The following CRY2 variants were observed in gnomAD, a reference collection of about 807,000 sequenced individuals.
CRY2 encodes the protein cryptochrome circadian regulator 2.
A neutral mutation model predicts 69.5 loss-of-function variants in CRY2; 31 were observed. The observed-to-expected ratio is 0.45, with a 90% CI of 0.34 to 0.60. The LOEUF (loss-of-function observed/expected upper bound fraction) is 0.60, where lower values mean the gene tolerates loss of function less well. Ranked by LOEUF, CRY2 falls within the 20% of genes least tolerant of loss-of-function variation. CRY2 has a pLI of 0.02. For missense variants in CRY2, 606 were observed against 797.8 expected, an observed-to-expected ratio of 0.76 and a Z score of 2.90; for synonymous variants, 303 against 312.2, an observed-to-expected ratio of 0.97 and a Z score of 0.31.
At chr11:45,871,014 G>A (rs1003597686) in intron 10 of CRY2, 80 bp downstream of exon 10, 1 of 1,238,556 alleles carries the variant, frequency 8.1e-7, no homozygotes, top group Non-Finnish European at 1.1e-6. Context: ...AGGCCAGAAG[G>A]AGGCCTTGCC....
intron 1 of CRY2, among the ~76,000 whole-genome samples, chr11:45,853,646 C>A (rs1164007493): frequency 9.4e-6 from 1 of 106,148 alleles, no homozygotes; most frequent in Non-Finnish European, 2.5e-5. Flanking sequence ...AGATGGAGGA[C>A]CCTGTGTCCT....
chr11:45,861,915 G>C, intron 4 of CRY2, 145 bp from the exon 5 acceptor site: 2 of 689,056 alleles, frequency 2.9e-6, no homozygotes, highest in Non-Finnish European at 4.9e-6. Context: ...CCTAGAAAAC[G>C]CTAAAACTTT....
intron 3 of CRY2, among the ~76,000 whole-genome samples, chr11:45,859,555 C>T (rs1469051031): frequency 6.8e-6 from 1 of 146,094 alleles, no homozygotes; most frequent in Non-Finnish European, 1.5e-5. Flanking sequence ...GAGCAAGATC[C>T]TGTGTCAAAA....
Position 45,860,912 on chromosome 11 carries a change from C to T in CRY2, c.532C>T (p.Arg178Cys), listed in dbSNP as rs1285136076. ...TYKRFQAIIS[R>C]MELPKKPVGL... ...CAAGCGCTTTCAGGCCATCATCAGC[C>T]GCATGGAGCTGCCCAAGAAGCCAGT... Residue 178 changes from arginine (R) to cysteine (C), a missense_variant, in exon 4 of 12, where the codon CGC becomes TGC. Physicochemically the swap from Arg to Cys is radical, Grantham distance 180. This residue lies in a region of CRY2 where 382 missense variants were observed against 508.9 expected (regional missense o/e 0.75). Transcript: ENST00000616080. 6.8e-6 allele frequency: 11 copies of T among 1,614,122 alleles called. No individual in the cohort carries two copies. Among genetic ancestry groups the T allele is most frequent in the Admixed American group, 5.0e-5 (3 of 60,022 alleles).
At chr11:45,871,057 G>T in intron 10 of CRY2, 123 bp downstream of exon 10, 3 of 744,898 alleles carry the variant, frequency 4.0e-6, no homozygotes, top group Non-Finnish European at 6.5e-6. Flanking sequence ...GGGGCAGTCA[G>T]ATAGTAAAGA....
At chr11:45,865,210 A>G (rs1480648440) in intron 5 of CRY2, among the ~76,000 whole-genome samples, 1 of 152,184 alleles carries the variant, frequency 6.6e-6, no homozygotes, top group Middle Eastern at 3.2e-3. Flanking sequence ...AGAAAAATGT[A>G]AACATTTCAG....
At position 45,855,177 on chromosome 11, in the gene CRY2, A is replaced by G. The variant is rs2086229962; in HGVS notation, c.216-805A>G. Among the ~76,000 whole-genome samples the G allele has an allele frequency of 2.7e-5, 4 of 148,614 alleles. No homozygotes were observed. The Admixed American group carries it at 2.7e-4, about 10-fold the overall frequency. On this transcript the variant is annotated intron_variant, in intron 1 of 11. Transcript: ENST00000616080. ...CTTCCCCACCCCCACCCCCACAAAA[A>G]TGTGAAGATAGCTATTGAGAAGTAC...
chr11:45,876,675 G>A (rs112103920), intron 11 of CRY2, among the ~76,000 whole-genome samples: 2 of 152,230 alleles, frequency 1.3e-5, no homozygotes, highest in African/African-American at 4.8e-5. Flanking sequence ...CCTCCCCCGC[G>A]GGCTTTTGTT....
At chr11:45,867,436 G>A (rs1481106529) in intron 5 of CRY2, 176 bp from the exon 6 acceptor site, 16 of 696,106 alleles carry the variant, frequency 2.3e-5, no homozygotes, top group Admixed American at 5.7e-5. Flanking sequence ...ACATAGACTC[G>A]TTGTTTGGTC....
At chr11:45,849,813 G>A (rs1248623581) in intron 1 of CRY2, among the ~76,000 whole-genome samples, 1 of 152,090 alleles carries the variant, frequency 6.6e-6, no homozygotes, top group Admixed American at 6.6e-5. Context: ...AGTAGAGACA[G>A]GGTTTCACCA....
intron 10 of CRY2, 40 bp downstream of exon 10, chr11:45,870,974 C>T (rs2086376638): frequency 1.3e-5 from 20 of 1,534,062 alleles, no homozygotes; most frequent in Non-Finnish European, 1.8e-5. Context: ...CTCCTGTGGC[C>T]TGTGCCACCA....
intron 1 of CRY2, among the ~76,000 whole-genome samples, chr11:45,853,326 C>T (rs1365439898): frequency 6.6e-6 from 1 of 152,070 alleles, no homozygotes; most frequent in East Asian, 1.9e-4. Flanking sequence ...TATTTAGTTG[C>T]TGGGTTCAGA....
chr11:45,870,309 A>G (rs1590770143), intron 8 of CRY2, 21 bp from the exon 9 acceptor site: 3 of 1,614,146 alleles, frequency 1.9e-6, no homozygotes, highest in Admixed American at 1.7e-5. Flanking sequence ...CTGATGGGTC[A>G]TCTGGTGTAT....
chr11:45,847,433 C>CG (rs1590758658), upstream of CRY2: 1 of 1,315,960 alleles, frequency 7.6e-7, no homozygotes, highest in South Asian at 1.2e-5. Flanking sequence ...GGGCTATGGG[C>CG]GGGGTCCACG....
At position 45,870,421 on chromosome 11, in the gene CRY2, A is replaced by G; in HGVS notation, c.1438A>G (p.Ile480Val). 1 of 1,614,238 alleles carries G rather than the reference A, an allele frequency of 6.2e-7. No individual in the cohort carries two copies. The highest frequency in any genetic ancestry group is 8.5e-7 in the Non-Finnish European group (1 of 1,180,046). Residue 480 changes from isoleucine (I) to valine (V), a missense_variant, in exon 9 of 12, where the codon ATC (isoleucine) becomes GTC (valine). Ile to Val is a conservative substitution (Grantham distance 29). Transcript: ENST00000616080. ...GTCAATTCAGAAGGCAGCCAAGTGC[A>G]TCATTGGTGTGGACTACCCACGGCC... Reference protein sequence around the residue: ...PESIQKAAKCIIGVDYPRPIV... With the variant: ...PESIQKAAKCVIGVDYPRPIV...
At chr11:45,867,544 C>T (rs2086340607) in intron 5 of CRY2, 68 bp from the exon 6 acceptor site, 9 of 1,596,438 alleles carry the variant, frequency 5.6e-6, no homozygotes, top group African/African-American at 1.3e-5. Flanking sequence ...CTTAACCACC[C>T]AATGCCTCCA....
Position 45,870,487 on chromosome 11 carries a change from C to T in CRY2, c.1504C>T (p.Arg502Ter). 2 of 1,614,214 alleles carry T rather than the reference C, an allele frequency of 1.2e-6. No individual in the cohort carries two copies. The highest frequency in any genetic ancestry group is 1.1e-5 in the South Asian group (1 of 91,082). The change falls in exon 9 of 12, where the codon CGA (arginine) becomes TGA (stop). Residue 502 changes from arginine (R) to a stop codon, truncating the protein, a stop_gained. Transcript: ENST00000616080. LOFTEE classifies it high-confidence loss of function. ...CGAGACCAGCCGGCTTAACATTGAACGAATGAAGCAGATTTACCAGCAGCT... is the reference window on the plus strand; with the variant it reads ...CGAGACCAGCCGGCTTAACATTGAATGAATGAAGCAGATTTACCAGCAGCT... Reference protein sequence around the residue: ...HAETSRLNIERMKQIYQQLSR... With the variant: ...HAETSRLNIE
intron 11 of CRY2, among the ~76,000 whole-genome samples, chr11:45,873,323 A>G (rs1464808663): frequency 6.6e-6 from 1 of 152,070 alleles, no homozygotes. Context: ...GAGTGTCTGG[A>G]TTTGTGTGCT....
chr11:45,869,378 C>T (rs1241512835), intron 6 of CRY2, 128 bp from the exon 7 acceptor site: 2 of 957,370 alleles, frequency 2.1e-6, no homozygotes, highest in East Asian at 4.9e-5. Context: ...GGGGATAGTC[C>T]CTCCACATCT....
Sources: allele counts gnomAD v4.1 joint callset (sites outside exome capture counted in the v4.1 genomes callset), GRCh38; gene constraint gnomAD v4.1.1; regional missense constraint gnomAD v4.1.1; transcripts MANE v1.5; gene names NCBI Gene and HGNC (gene_info 2026-07-23, HGNC 2026-07-21).